INPP5A: variants seen among roughly 807,000 people sequenced by gnomAD.
The protein encoded by INPP5A is 43 kDa inositol polyphosphate 5-phophatase.
A neutral mutation model predicts 65.2 loss-of-function variants in INPP5A; 14 were observed. The ratio of observed to expected loss-of-function variants is 0.21; its 90% CI spans 0.14 to 0.34. INPP5A has a LOEUF of 0.34. INPP5A is among the 10% of genes least tolerant of loss of function. The probability of loss-of-function intolerance (pLI) is 1.00; values close to 1 mark genes in which losing one functional copy is unlikely to be tolerated. For missense variants in INPP5A, 431 were observed against 545.6 expected, an observed-to-expected ratio of 0.79 and a Z score of 2.09; for synonymous variants, 207 against 208.3, an observed-to-expected ratio of 0.99 and a Z score of 0.05.
At chr10:132,605,440 G>A (rs2071837142) in intron 1 of INPP5A, among the ~76,000 whole-genome samples, 1 of 146,156 alleles carries the variant, frequency 6.8e-6, no homozygotes, top group Non-Finnish European at 1.5e-5. Context: ...GGCTGGGGAT[G>A]GGGAGGGGAT....
chr10:132,638,463 A>G (rs1363053596), intron 2 of INPP5A, among the ~76,000 whole-genome samples: 1 of 152,048 alleles, frequency 6.6e-6, no homozygotes. Context: ...AAAGCCTCAC[A>G]CCCCAGCGGG....
chr10:132,752,718 C>T (rs1235750320), intron 11 of INPP5A, among the ~76,000 whole-genome samples: 2 of 144,220 alleles, frequency 1.4e-5, no homozygotes, highest in East Asian at 2.1e-4. Flanking sequence ...GGAGGCGGTG[C>T]GGCATGGAGG....
intron 4 of INPP5A, among the ~76,000 whole-genome samples, chr10:132,665,759 C>T (rs997199138): frequency 6.8e-6 from 1 of 147,802 alleles, no homozygotes; most frequent in Non-Finnish European, 1.5e-5. Context: ...TCCCAGCACT[C>T]TGGGAGGCTG....
chr10:132,685,057 A>AT (rs201928725), intron 4 of INPP5A, among the ~76,000 whole-genome samples: 72 of 151,844 alleles, frequency 4.7e-4, no homozygotes, highest in African/African-American at 1.4e-3. Flanking sequence ...GATTTATTTT[A>AT]TTAAAAAAAA....
intron 11 of INPP5A, among the ~76,000 whole-genome samples, chr10:132,764,713 T>G (rs1590997095): frequency 1.7e-5 from 2 of 115,410 alleles, no homozygotes; most frequent in Admixed American, 9.4e-5. Flanking sequence ...GGTGGGAGGG[T>G]GTGTGTGGTG....
intron 1 of INPP5A, among the ~76,000 whole-genome samples, chr10:132,556,634 C>T (rs182934013): frequency 7.2e-5 from 11 of 152,368 alleles, no homozygotes; most frequent in South Asian, 2.1e-4. Flanking sequence ...CCCACCAGGC[C>T]GTCGGAGAGT....
rs1046589613 is a variant in INPP5A, at chr10:132,663,958, G to A, written c.306+13453G>A. On this transcript the variant is annotated intron_variant, in intron 4 of 15. Coordinates refer to ENST00000368594, the MANE Select transcript of INPP5A (RefSeq NM_005539.5). This position sits in a 1 kb window ranked among gnomAD's most constrained non-coding sequence, Gnocchi z 4.5. ...CGGCCGACAGGCGTGATCGAGTGCC[G>A]TGTCACACGCAGCCCAGGAAACAAA... is the stretch of plus-strand genomic sequence containing the variant. 3.3e-5 allele frequency among the ~76,000 whole-genome samples: 5 copies of A among 152,220 alleles called. No homozygotes were observed. Among genetic ancestry groups the A allele is most frequent in the Admixed American group, 6.5e-5 (1 of 15,282 alleles).
chr10:132,586,351 A>G (rs894134403), intron 1 of INPP5A, among the ~76,000 whole-genome samples: 2 of 152,096 alleles, frequency 1.3e-5, no homozygotes, highest in African/African-American at 4.8e-5. Flanking sequence ...TTGTGAGGAG[A>G]GCAGGGGGCT....
intron 4 of INPP5A, among the ~76,000 whole-genome samples, chr10:132,669,266 A>C (rs2072850027): frequency 6.6e-6 from 1 of 152,114 alleles, no homozygotes; most frequent in African/African-American, 2.4e-5. Context: ...ATAAACAAAC[A>C]AACAGCCGGT....
chr10:132,599,853 C>G (rs1185530043), intron 1 of INPP5A, among the ~76,000 whole-genome samples: 2 of 152,228 alleles, frequency 1.3e-5, no homozygotes, highest in African/African-American at 4.8e-5. Context: ...CTTGGGGCTT[C>G]CACCCTCTGA....
chr10:132,639,010 A>T (rs928252647), intron 2 of INPP5A, among the ~76,000 whole-genome samples: 6 of 152,126 alleles, frequency 3.9e-5, no homozygotes, highest in African/African-American at 7.2e-5. Context: ...TGGGGAGCAA[A>T]TTTTTGGGAC....
chr10:132,745,296 G>A (rs562612875), intron 9 of INPP5A, among the ~76,000 whole-genome samples: 66 of 152,332 alleles, frequency 4.3e-4, no homozygotes, highest in Non-Finnish European at 8.2e-4. Context: ...TGTCCCTGTT[G>A]CCAGGCTCTG....
At chr10:132,562,334 C>T (rs2071217448) in intron 1 of INPP5A, among the ~76,000 whole-genome samples, 1 of 152,262 alleles carries the variant, frequency 6.6e-6, no homozygotes, top group Non-Finnish European at 1.5e-5. Context: ...CTGTCTGCTG[C>T]CTGTCTGCAG....
chr10:132,680,480 G>A (rs1037875474), intron 4 of INPP5A, among the ~76,000 whole-genome samples: 4 of 152,240 alleles, frequency 2.6e-5, no homozygotes, highest in Admixed American at 2.0e-4. Flanking sequence ...AGAAGATAGT[G>A]AGAGGTGACA....
chr10:132,689,522 G>A (rs1190165565), intron 4 of INPP5A, among the ~76,000 whole-genome samples: 1 of 152,248 alleles, frequency 6.6e-6, no homozygotes, highest in Non-Finnish European at 1.5e-5. Flanking sequence ...AATTTAGTGA[G>A]TTTTGACAAA....
chr10:132,743,537 T>G (rs913900549), intron 9 of INPP5A, among the ~76,000 whole-genome samples: 2 of 152,230 alleles, frequency 1.3e-5, no homozygotes, highest in Non-Finnish European at 2.9e-5. Context: ...GCTCTGCCCC[T>G]CCCTCCATTC....
At chr10:132,732,310 G>T (rs564660860) in intron 9 of INPP5A, among the ~76,000 whole-genome samples, 2 of 152,334 alleles carry the variant, frequency 1.3e-5, no homozygotes, top group African/African-American at 2.4e-5. Flanking sequence ...TGTTTGGAGG[G>T]TTTTCCTGCC....
intron 9 of INPP5A, among the ~76,000 whole-genome samples, chr10:132,735,970 C>G (rs1846169023): frequency 6.6e-6 from 1 of 152,228 alleles, no homozygotes; most frequent in African/African-American, 2.4e-5. Context: ...GCTCTGTGTG[C>G]AAAGCGAAGA....
chr10:132,543,115 C>G (rs1041867086), intron 1 of INPP5A, among the ~76,000 whole-genome samples: 5 of 152,170 alleles, frequency 3.3e-5, no homozygotes, highest in Admixed American at 6.6e-5. Context: ...AGCCCTTTCT[C>G]CCATATGAGG....
Sources: allele counts gnomAD v4.1 joint callset (sites outside exome capture counted in the v4.1 genomes callset), GRCh38; gene constraint gnomAD v4.1.1; non-coding constraint Gnocchi (gnomAD v3.1); transcripts MANE v1.5; gene names NCBI Gene and HGNC (gene_info 2026-07-23, HGNC 2026-07-21).